The following ECI1 variants were observed in gnomAD, a reference collection of about 807,000 sequenced individuals.
ECI1 encodes the protein enoyl-CoA delta isomerase 1, mitochondrial.
Under a neutral mutation model 34.2 loss-of-function variants are expected in ECI1, and 34 were observed. The ratio of observed to expected loss-of-function variants is 1.00; its 90% CI spans 0.76 to 1.33. ECI1 has a LOEUF of 1.33. Ranked by LOEUF, ECI1 falls within the 40% of genes most tolerant of loss-of-function variation. The probability of loss-of-function intolerance (pLI) is 0.00; values close to 1 mark genes in which losing one functional copy is unlikely to be tolerated. For synonymous variants in ECI1, 211 were observed against 193.0 expected (o/e 1.09, Z -0.77); for missense variants, 456 against 422.2 (o/e 1.08, Z -0.70).
chr16:2,245,481 A>G (rs2093538229), intron 3 of ECI1, among the ~76,000 whole-genome samples: 1 of 152,240 alleles, frequency 6.6e-6, no homozygotes. Context: ...TGGGCAACGC[A>G]GCTCCGCTGT....
rs900211278 is a variant in ECI1, at chr16:2,251,560, G to A, written c.7C>T (p.Leu3=). 2 of 1,557,444 alleles carry A rather than the reference G, an allele frequency of 1.3e-6. No individual in the cohort carries two copies. The highest frequency in any genetic ancestry group is 1.7e-6 in the Non-Finnish European group (2 of 1,151,562). The change falls in exon 1 of 7, where the codon CTG becomes TTG. Residue 3 remains leucine (L), a synonymous_variant. Transcript: ENST00000301729. The part of the protein sequence containing the change: MA[L]VASVRVPARV... ...GCCGGGACTCGCACAGAAGCCACCA[G>A]CGCCATCTTGACCGCAACGCGCGGG...
rs982315209 is a variant in ECI1, at chr16:2,243,731, C to T, written c.442-292G>A. On this transcript the variant is annotated intron_variant, in intron 4 of 6. Transcript: ENST00000301729. ...AAACCATTCAGTTAGGGGAGCAAGT[C>T]GCTTGTCCTCTCAGTGCTTTTACTC... is the stretch of plus-strand genomic sequence containing the variant. 3.9e-5 allele frequency among the ~76,000 whole-genome samples: 6 copies of T among 152,334 alleles called. No homozygotes were observed. In the East Asian group the frequency reaches 7.7e-4, roughly 20 times the overall value.
At chr16:2,240,211 TTTTTTA>T (rs926938554) in intron 6 of ECI1, 66 bp from the exon 7 acceptor site, 20 of 1,526,928 alleles carry the variant, frequency 1.3e-5, no homozygotes, top group Middle Eastern at 2.1e-4. Flanking sequence ...TCCCAACTTA[TTTTTTA>T]TTTTTATTTT....
intron 3 of ECI1, among the ~76,000 whole-genome samples, chr16:2,246,374 T>A (rs1387083034): frequency 6.6e-6 from 1 of 152,120 alleles, no homozygotes; most frequent in Non-Finnish European, 1.5e-5. Flanking sequence ...TGGGGAGCAC[T>A]CCAGGAACCC....
intron 2 of ECI1, 88 bp from the exon 3 acceptor site, chr16:2,247,074 C>T: frequency 1.3e-6 from 2 of 1,485,738 alleles, no homozygotes; most frequent in Non-Finnish European, 1.8e-6. Context: ...GCCATGATAG[C>T]TGTGCATTTT....
At position 2,239,894 on chromosome 16, in the gene ECI1, C is replaced by T; in HGVS notation, c.*85G>A. 2 of 1,440,698 alleles carry T rather than the reference C, an allele frequency of 1.4e-6. No homozygotes were observed. Among genetic ancestry groups the T allele is most frequent in the Non-Finnish European group, 9.8e-7 (1 of 1,024,124 alleles). The allele number at this position is 1,440,698 out of a possible 1,614,324, so 89.2% of individuals were successfully genotyped here. Reference sequence around the variant, plus strand: ...TCAGCAAAATGAAACGCTGGCAGTACTTTTAAGTTGAAAAATACCTTGTTT... The same window carrying T: ...TCAGCAAAATGAAACGCTGGCAGTATTTTTAAGTTGAAAAATACCTTGTTT... On this transcript the variant is annotated 3_prime_UTR_variant, in exon 7 of 7. Coordinates refer to ENST00000301729, the MANE Select transcript of ECI1 (RefSeq NM_001919.4).
At chr16:2,251,222 G>T in intron 2 of ECI1, 94 bp downstream of exon 2, 1 of 470,102 alleles carries the variant, frequency 2.1e-6, no homozygotes, top group Non-Finnish European at 3.0e-6. Context: ...CAAACCGAGC[G>T]TCGACAGACG....
At chr16:2,249,373 T>C (rs1020216983) in intron 2 of ECI1, among the ~76,000 whole-genome samples, 1 of 151,836 alleles carries the variant, frequency 6.6e-6, no homozygotes, top group Non-Finnish European at 1.5e-5. Flanking sequence ...TCTTAAGGTA[T>C]TGGAATGGGT....
chr16:2,242,860 G>T, intron 6 of ECI1, 186 bp downstream of exon 6: 2 of 627,254 alleles, frequency 3.2e-6, no homozygotes, highest in Admixed American at 2.4e-5. Context: ...CTCCAGCACC[G>T]TGAGATGAGC....
At position 2,244,567 on chromosome 16, in the gene ECI1, G is replaced by T; in HGVS notation, c.295-15C>A. On this transcript the variant is annotated splice_polypyrimidine_tract_variant and intron_variant, in intron 3 of 6. Coordinates refer to ENST00000301729, the MANE Select transcript of ECI1 (RefSeq NM_001919.4). ...CCCGGGCGGTCCTGCAGGGGGAGCCGGGGCCACATGCCCATCAGAGTCCAC... is the reference window on the plus strand; with the variant it reads ...CCCGGGCGGTCCTGCAGGGGGAGCCTGGGCCACATGCCCATCAGAGTCCAC... The T allele has an allele frequency of 6.4e-7, 1 of 1,570,250 alleles. No individual in the cohort carries two copies. The highest frequency in any genetic ancestry group is 1.2e-5 in the South Asian group (1 of 85,694).
chr16:2,249,381 GGTAGT>G (rs1466123652), intron 2 of ECI1, among the ~76,000 whole-genome samples: 1 of 151,948 alleles, frequency 6.6e-6, no homozygotes, highest in African/African-American at 2.4e-5. Context: ...TATTGGAATG[GGTAGT>G]GTGGACTACA....
chr16:2,244,967 C>T (rs1023250400), intron 3 of ECI1, among the ~76,000 whole-genome samples: 168 of 152,312 alleles, frequency 1.1e-3, no homozygotes, highest in Non-Finnish European at 2.5e-4. Flanking sequence ...CAGGGACCCC[C>T]GTGTGGACCA....
At chr16:2,246,806 G>C (rs2093541264) in intron 3 of ECI1, 53 bp downstream of exon 3, 4 of 1,610,406 alleles carry the variant, frequency 2.5e-6, no homozygotes, top group Admixed American at 1.7e-5. Context: ...GCTCACATCA[G>C]AGAACTCAGG....
chr16:2,247,747 A>G (rs1004057021), intron 2 of ECI1, among the ~76,000 whole-genome samples: 7 of 152,112 alleles, frequency 4.6e-5, no homozygotes, highest in Non-Finnish European at 8.8e-5. Flanking sequence ...GTCTCACTCT[A>G]TCACCTAGGA....
At chr16:2,247,095 T>C in intron 2 of ECI1, 109 bp from the exon 3 acceptor site, 1 of 1,318,488 alleles carries the variant, frequency 7.6e-7, no homozygotes, top group Non-Finnish European at 1.0e-6. Context: ...GGGGGTTTTA[T>C]TTATTAATTT....
At chr16:2,243,706 A>C (rs1290571214) in intron 4 of ECI1, among the ~76,000 whole-genome samples, 2 of 152,194 alleles carry the variant, frequency 1.3e-5, no homozygotes, top group Non-Finnish European at 2.9e-5. Context: ...TCACTTTTAA[A>C]AACCATTCAG....
chr16:2,247,466 T>C (rs154654), intron 2 of ECI1, among the ~76,000 whole-genome samples: 91,080 of 151,912 alleles, frequency 0.6, 27,420 homozygotes, highest in African/African-American at 0.62. Context: ...GGAGCGATCT[T>C]GGCTCACCGC....
intron 2 of ECI1, among the ~76,000 whole-genome samples, chr16:2,249,609 C>T (rs1028450779): frequency 6.6e-6 from 1 of 151,422 alleles, no homozygotes; most frequent in Non-Finnish European, 1.5e-5. Flanking sequence ...CGGTGGCTCA[C>T]GCCTGTAATC....
chr16:2,251,424 G>A lies in ECI1; in HGVS notation c.58C>T (p.Arg20Trp). 3.5e-6 allele frequency: 5 copies of A among 1,427,434 alleles called. No homozygotes were observed. The highest frequency in any genetic ancestry group is 2.8e-5 in the South Asian group (2 of 71,354). 88.4% of individuals were successfully genotyped at this position (1,427,434 alleles called of 1,614,324 possible). A position where few individuals can be genotyped will look rare whatever the true frequency, so the allele number is the denominator to read the frequency against. ...PARVLLRAGARLPGAALGRTE... is the reference protein window; with the variant it reads ...PARVLLRAGAWLPGAALGRTE... ...CGCCCGAGGGCCGCGCCCGGGAGCC[G>A]GGCCCCTGCGAAGGCAGCGTGGGGG... Residue 20 changes from arginine (R) to tryptophan (W), a missense_variant, in exon 2 of 7, where the codon CGG (arginine) becomes TGG (tryptophan). Transcript: ENST00000301729.
Sources: gnomAD v4.1 joint callset for allele counts (sites outside exome capture counted in the v4.1 genomes callset) on GRCh38, gnomAD v4.1.1 for gene constraint, MANE v1.5 for transcripts, NCBI Gene and HGNC (gene_info 2026-07-23, HGNC 2026-07-21) for gene names.